Variants in KCNQ3 observed in about 807,000 individuals in gnomAD.
KCNQ3 encodes potassium voltage-gated channel subfamily KQT member 3.
A neutral mutation model predicts 92.5 loss-of-function variants in KCNQ3; 30 were observed. The observed-to-expected ratio is 0.32, with a 90% confidence interval of 0.24 to 0.44. The LOEUF is 0.44. Ranked by LOEUF, KCNQ3 falls within the 20% of genes least tolerant of loss-of-function variation. The pLI is 1.00. For missense variants in KCNQ3, 913 were observed against 1,140.3 expected (o/e 0.80, Z 2.87); for synonymous variants, 450 against 468.8 (o/e 0.96, Z 0.52).
intron 1 of KCNQ3, among the ~76,000 whole-genome samples, chr8:132,381,645 G>T (rs1458773043): frequency 1.3e-5 from 2 of 152,188 alleles, no homozygotes; most frequent in Non-Finnish European, 2.9e-5. Flanking sequence ...CTATTGCCAG[G>T]CACTGTTCTA....
intron 1 of KCNQ3, among the ~76,000 whole-genome samples, chr8:132,229,296 G>C (rs564361350): frequency 3.3e-5 from 5 of 151,546 alleles, no homozygotes; most frequent in African/African-American, 1.2e-4. Flanking sequence ...ATGAGGTAAA[G>C]AAAGCCATGA....
At chr8:132,202,720 C>A (rs939396544) in intron 1 of KCNQ3, among the ~76,000 whole-genome samples, 4 of 152,156 alleles carry the variant, frequency 2.6e-5, no homozygotes, top group African/African-American at 9.7e-5. Flanking sequence ...AAGACCTCAT[C>A]CAAATGGCTT....
At chr8:132,147,896 G>A (rs922787205) in intron 9 of KCNQ3, among the ~76,000 whole-genome samples, 1 of 152,016 alleles carries the variant, frequency 6.6e-6, no homozygotes, top group Non-Finnish European at 1.5e-5. Flanking sequence ...ATGTGGAAAG[G>A]GTGGGGACTA....
At chr8:132,179,416 G>A (rs755033135) in intron 4 of KCNQ3, among the ~76,000 whole-genome samples, 3 of 151,926 alleles carry the variant, frequency 2.0e-5, no homozygotes, top group South Asian at 4.2e-4. Flanking sequence ...GGAATGCCAG[G>A]GTTTATATCC....
chr8:132,247,730 G>A (rs1188550358), intron 1 of KCNQ3, among the ~76,000 whole-genome samples: 3 of 151,642 alleles, frequency 2.0e-5, no homozygotes, highest in Non-Finnish European at 4.4e-5. Flanking sequence ...CCCAGGAGGC[G>A]GAGGATGCAG....
chr8:132,168,717 A>ATGTGTGTGTG (rs568659056), intron 8 of KCNQ3, among the ~76,000 whole-genome samples: 1 of 108,464 alleles, frequency 9.2e-6, no homozygotes, highest in Admixed American at 9.5e-5. Context: ...GATAATGAAT[A>ATGTGTGTGTG]TGTGTGTGTG....
intron 1 of KCNQ3, among the ~76,000 whole-genome samples, chr8:132,369,309 C>G (rs970177811): frequency 6.6e-6 from 1 of 152,096 alleles, no homozygotes; most frequent in Non-Finnish European, 1.5e-5. Flanking sequence ...AAAGTCACAA[C>G]GTGCAGCTCA....
chr8:132,368,652 CA>C (rs371396665), intron 1 of KCNQ3, among the ~76,000 whole-genome samples: 1 of 143,088 alleles, frequency 7.0e-6, no homozygotes. Context: ...GACCCTGTCT[CA>C]AAAAAAAAGA....
chr8:132,321,917 T>C (rs755641882), intron 1 of KCNQ3, among the ~76,000 whole-genome samples: 20 of 152,180 alleles, frequency 1.3e-4, no homozygotes, highest in Non-Finnish European at 2.1e-4. Context: ...AGCATTACTG[T>C]TCACAGTCCC....
At chr8:132,134,157 CAA>C in intron 13 of KCNQ3, 131 bp downstream of exon 13, 3 of 739,256 alleles carry the variant, frequency 4.1e-6, no homozygotes. Context: ...AAACAAGCTT[CAA>C]ACTCTTTCTT....
At chr8:132,260,602 G>A (rs752789058) in intron 1 of KCNQ3, among the ~76,000 whole-genome samples, 3 of 152,180 alleles carry the variant, frequency 2.0e-5, no homozygotes, top group Non-Finnish European at 4.4e-5. Context: ...GGTGGCTGGG[G>A]TAGGCATTAG....
At chr8:132,331,630 A>G (rs983891052) in intron 1 of KCNQ3, among the ~76,000 whole-genome samples, 1 of 152,070 alleles carries the variant, frequency 6.6e-6, no homozygotes, top group Non-Finnish European at 1.5e-5. Context: ...TCTCTCAAAA[A>G]ATATCTATTG....
intron 1 of KCNQ3, among the ~76,000 whole-genome samples, chr8:132,342,002 G>A (rs1818542133): frequency 6.6e-6 from 1 of 152,084 alleles, no homozygotes; most frequent in Non-Finnish European, 1.5e-5. Context: ...TGCTTGTTAA[G>A]CAAAACTCTC....
intron 1 of KCNQ3, among the ~76,000 whole-genome samples, chr8:132,276,518 C>T (rs534881754): frequency 6.6e-6 from 1 of 152,154 alleles, no homozygotes; most frequent in Non-Finnish European, 1.5e-5. Context: ...AGCTCATTAC[C>T]TGCCCCCACC....
rs1394994801 is a variant in KCNQ3 at position 132,257,766 on chromosome 8, AGAG to A, written c.387-71588_387-71586del. ...AGCTCAAAAAAAAAAAAAAAAAAAAAGAGAGAGAGAGACAGTTTAGATTTAAAA... is the reference window on the plus strand; with the variant it reads ...AGCTCAAAAAAAAAAAAAAAAAAAAAAGAGAGAGACAGTTTAGATTTAAAA... On this transcript the variant is annotated intron_variant, in intron 1 of 14. Transcript: ENST00000388996. Among the ~76,000 whole-genome samples, 31 of 67,910 alleles carry A rather than the reference AGAG, an allele frequency of 4.6e-4. No individual in the cohort carries two copies. The East Asian group carries it at 0.026, about 57-fold the overall frequency. 44.6% of individuals were successfully genotyped at this position (67,910 alleles called of 152,430 possible). A position where few individuals can be genotyped will look rare whatever the true frequency, so the allele number is the denominator to read the frequency against.
chr8:132,350,996 G>C (rs73343857), intron 1 of KCNQ3, among the ~76,000 whole-genome samples: 2 of 151,752 alleles, frequency 1.3e-5, no homozygotes, highest in Admixed American at 1.3e-4. Flanking sequence ...TGACCTACTC[G>C]CACCCCACCA....
intron 1 of KCNQ3, among the ~76,000 whole-genome samples, chr8:132,455,575 T>C (rs11777975): frequency 0.025 from 3,815 of 152,318 alleles, 61 homozygotes; most frequent in Non-Finnish European, 0.036. Context: ...TGGTACCTAT[T>C]CTATTTAGAG....
At chr8:132,324,201 C>T (rs1286757915) in intron 1 of KCNQ3, among the ~76,000 whole-genome samples, 1 of 152,156 alleles carries the variant, frequency 6.6e-6, no homozygotes, top group Non-Finnish European at 1.5e-5. Context: ...GATGTCCTGT[C>T]CCGTCAGCAT....
At chr8:132,424,131 C>T (rs565154107) in intron 1 of KCNQ3, among the ~76,000 whole-genome samples, 11 of 151,990 alleles carry the variant, frequency 7.2e-5, no homozygotes, top group East Asian at 1.9e-4. Context: ...ACCCCTCCCC[C>T]CGCCACATAG....
Sources: allele counts gnomAD v4.1 joint callset (sites outside exome capture counted in the v4.1 genomes callset), GRCh38; gene constraint gnomAD v4.1.1; transcripts MANE v1.5; gene names NCBI Gene and HGNC (gene_info 2026-07-23, HGNC 2026-07-21).